CLVS1: variants seen among roughly 807,000 people sequenced by gnomAD.
The protein encoded by CLVS1 is clavesin-1.
In CLVS1, 10 loss-of-function variants were observed where a neutral mutation model predicts 33.1. The ratio of observed to expected loss-of-function variants is 0.30; its 90% confidence interval spans 0.19 to 0.51. CLVS1 has a LOEUF of 0.51. Ranked by LOEUF, CLVS1 falls within the 20% of genes least tolerant of loss-of-function variation. The pLI, the probability that CLVS1 is intolerant of heterozygous loss-of-function variation, is 0.97. For missense variants in CLVS1, 343 were observed against 433.4 expected, an observed-to-expected ratio of 0.79 and a Z score of 1.85; for synonymous variants, 163 against 166.1, an observed-to-expected ratio of 0.98 and a Z score of 0.14.
intron 2 of CLVS1, among the ~76,000 whole-genome samples, chr8:61,215,386 T>C (rs1364996584): frequency 6.6e-6 from 1 of 152,208 alleles, no homozygotes; most frequent in Admixed American, 6.5e-5. Context: ...TACATAAAAA[T>C]AGCTCAAGAG....
At chr8:61,013,091 G>C in the CLVS1 span, among the ~76,000 whole-genome samples, 1 of 152,182 alleles carries the variant, frequency 6.6e-6, no homozygotes. Context: ...CAGGCAGGGA[G>C]AGAACCATGT....
the CLVS1 span, among the ~76,000 whole-genome samples, chr8:61,009,430 G>GAGTC: frequency 6.6e-6 from 1 of 152,212 alleles, no homozygotes; most frequent in East Asian, 1.9e-4. Context: ...TTACAGGTGT[G>GAGTC]AGTCACTGTG....
intron 3 of CLVS1, among the ~76,000 whole-genome samples, chr8:61,446,967 T>C (rs1431002217): frequency 6.6e-6 from 1 of 152,196 alleles, no homozygotes; most frequent in Non-Finnish European, 1.5e-5. Flanking sequence ...ATTATTTCAC[T>C]GGTTTTAAAT....
intron 2 of CLVS1, among the ~76,000 whole-genome samples, chr8:61,191,914 A>G (rs561158484): frequency 3.3e-5 from 5 of 152,272 alleles, no homozygotes; most frequent in South Asian, 2.1e-4. Context: ...ATGCTCATGG[A>G]TAGGAAGAAT....
At chr8:61,343,963 A>G (rs948477841) in intron 2 of CLVS1, among the ~76,000 whole-genome samples, 3 of 152,212 alleles carry the variant, frequency 2.0e-5, no homozygotes, top group African/African-American at 7.2e-5. Context: ...GTTGAACATG[A>G]TATACATACA....
the CLVS1 span, among the ~76,000 whole-genome samples, chr8:60,998,461 C>A: frequency 1.3e-5 from 2 of 152,190 alleles, no homozygotes; most frequent in South Asian, 2.1e-4. Context: ...AGGGTGGGGG[C>A]GTCCTGTCTT....
chr8:61,327,220 C>T (rs1260556373), intron 2 of CLVS1, among the ~76,000 whole-genome samples: 1 of 152,090 alleles, frequency 6.6e-6, no homozygotes, highest in Non-Finnish European at 1.5e-5. Context: ...TATTGCAATA[C>T]ATTTTTTCTT....
At chr8:61,255,205 T>G (rs1809051563) in intron 2 of CLVS1, among the ~76,000 whole-genome samples, 1 of 152,222 alleles carries the variant, frequency 6.6e-6, no homozygotes, top group South Asian at 2.1e-4. Context: ...AAACTTGGAA[T>G]TCCTTTTAAA....
At chr8:61,259,682 A>G (rs1273552032) in intron 2 of CLVS1, among the ~76,000 whole-genome samples, 2 of 152,254 alleles carry the variant, frequency 1.3e-5, no homozygotes, top group Non-Finnish European at 2.9e-5. Context: ...AGCAGCATCT[A>G]TGCATTCAAA....
At chr8:61,218,895 G>T (rs111495814) in intron 2 of CLVS1, among the ~76,000 whole-genome samples, 1,528 of 152,184 alleles carry the variant, frequency 0.01, 34 homozygotes, top group African/African-American at 0.034. Context: ...AGTGAGCTGA[G>T]ATCGTGCCAT....
intron 3 of CLVS1, among the ~76,000 whole-genome samples, chr8:61,436,200 C>G (rs1357968464): frequency 6.6e-6 from 1 of 152,186 alleles, no homozygotes; most frequent in African/African-American, 2.4e-5. Flanking sequence ...ATTATTTCCT[C>G]TCTACTGGGT....
chr8:61,152,294 A>G (rs557539953), intron 2 of CLVS1, among the ~76,000 whole-genome samples: 2 of 152,212 alleles, frequency 1.3e-5, no homozygotes, highest in South Asian at 2.1e-4. Flanking sequence ...CTCTTCTTGT[A>G]TGGGCATGGA....
chr8:61,118,652 G>T (rs1279500919), intron 1 of CLVS1, among the ~76,000 whole-genome samples: 1 of 151,660 alleles, frequency 6.6e-6, no homozygotes, highest in Non-Finnish European at 1.5e-5. Context: ...TCAGGAGCAG[G>T]TTGTTCAGTT....
intron 2 of CLVS1, among the ~76,000 whole-genome samples, chr8:61,355,049 GA>G (rs1812634407): frequency 6.6e-6 from 1 of 152,118 alleles, no homozygotes. Flanking sequence ...TCCTAACTAT[GA>G]AGTTGGTTCC....
intron 3 of CLVS1, among the ~76,000 whole-genome samples, chr8:61,395,414 A>G (rs552129646): frequency 7.9e-4 from 121 of 152,294 alleles, no homozygotes; most frequent in African/African-American, 2.8e-3. Context: ...CACAGTTAAT[A>G]ATAATGTATC....
At chr8:61,361,023 A>T (rs1162125304) in intron 2 of CLVS1, among the ~76,000 whole-genome samples, 1 of 152,198 alleles carries the variant, frequency 6.6e-6, no homozygotes, top group East Asian at 1.9e-4. Flanking sequence ...GAAAGCAGGC[A>T]CATCTTACAT....
the CLVS1 span, among the ~76,000 whole-genome samples, chr8:60,998,184 CT>C: frequency 6.6e-6 from 1 of 152,098 alleles, no homozygotes; most frequent in East Asian, 1.9e-4. Context: ...ACTGACAGTG[CT>C]GGGGCTGGTA....
intron 5 of CLVS1, among the ~76,000 whole-genome samples, chr8:61,460,672 C>T (rs186003583): frequency 6.6e-6 from 1 of 152,294 alleles, no homozygotes; most frequent in Admixed American, 6.5e-5. Context: ...GGCTAACTTT[C>T]TCAAAACACT....
the CLVS1 span, among the ~76,000 whole-genome samples, chr8:60,973,720 C>A: frequency 6.6e-6 from 1 of 152,154 alleles, no homozygotes; most frequent in Non-Finnish European, 1.5e-5. Flanking sequence ...CCATGGAATG[C>A]CCCCGGAAGG....
Sources: gnomAD v4.1 joint callset for allele counts (sites outside exome capture counted in the v4.1 genomes callset) on GRCh38, gnomAD v4.1.1 for gene constraint, MANE v1.5 for transcripts, NCBI Gene and HGNC (gene_info 2026-07-23, HGNC 2026-07-21) for gene names.